The following ROBO2 variants were observed in gnomAD, a reference collection of about 807,000 sequenced individuals.
ROBO2 encodes roundabout homolog 2.
ROBO2 carries 53 observed loss-of-function variants against 160.8 expected under a neutral mutation model. The observed-to-expected ratio is 0.33, with a 90% CI of 0.26 to 0.41. ROBO2 has a LOEUF of 0.41. Among genes scored for constraint, ROBO2 ranks in the 10% least tolerant of loss-of-function variants. ROBO2 has a pLI of 1.00. For synonymous variants in ROBO2, 664 were observed against 611.7 expected (o/e 1.09, Z -1.26); for missense variants, 1,577 against 1,722.4 (o/e 0.92, Z 1.49).
chr3:76,830,292 T>A (rs927813388), intron 2 of ROBO2, among the ~76,000 whole-genome samples: 3 of 152,168 alleles, frequency 2.0e-5, no homozygotes, highest in Non-Finnish European at 4.4e-5. Context: ...CTGGCTAGCC[T>A]CCAGGTACTG....
intron 2 of ROBO2, among the ~76,000 whole-genome samples, chr3:77,102,076 C>T (rs2072022045): frequency 2.0e-5 from 3 of 152,062 alleles, no homozygotes; most frequent in African/African-American, 7.2e-5. Context: ...ACATGGTTGA[C>T]ACGATGCAAA....
At chr3:76,291,505 T>C (rs944132982) in intron 2 of ROBO2, among the ~76,000 whole-genome samples, 3 of 152,132 alleles carry the variant, frequency 2.0e-5, no homozygotes, top group Non-Finnish European at 4.4e-5. Flanking sequence ...TTTTATATGA[T>C]TTCCTGCCTC....
At chr3:75,966,152 G>T (rs546029807) in intron 2 of ROBO2, among the ~76,000 whole-genome samples, 3 of 151,580 alleles carry the variant, frequency 2.0e-5, no homozygotes, top group Non-Finnish European at 2.9e-5. Flanking sequence ...CCATGACTAG[G>T]CAATTAAGTA....
At chr3:76,832,184 G>C (rs2067149513) in intron 2 of ROBO2, among the ~76,000 whole-genome samples, 1 of 152,078 alleles carries the variant, frequency 6.6e-6, no homozygotes, top group Non-Finnish European at 1.5e-5. Context: ...ACAAATCAAT[G>C]AATTAATTAA....
At chr3:77,095,902 T>G (rs2070993654) in intron 1 of ROBO2, among the ~76,000 whole-genome samples, 1 of 152,152 alleles carries the variant, frequency 6.6e-6, no homozygotes, top group East Asian at 1.9e-4. Flanking sequence ...TCTAGATGCT[T>G]TGGATCTCTT....
chr3:77,286,256 CTTTTTTTT>C (rs10663209), intron 2 of ROBO2, among the ~76,000 whole-genome samples: 1 of 119,878 alleles, frequency 8.3e-6, no homozygotes, highest in African/African-American at 3.2e-5. Flanking sequence ...AATTATGGAG[CTTTTTTTT>C]TTTTTTTTTT....
intron 2 of ROBO2, among the ~76,000 whole-genome samples, chr3:76,002,217 T>C (rs1305337771): frequency 6.6e-6 from 1 of 152,114 alleles, no homozygotes; most frequent in East Asian, 1.9e-4. Flanking sequence ...TATGACTCTG[T>C]CCTTACAAAA....
chr3:76,945,544 T>G (rs2078479032), intron 2 of ROBO2, among the ~76,000 whole-genome samples: 1 of 152,236 alleles, frequency 6.6e-6, no homozygotes, highest in Non-Finnish European at 1.5e-5. Context: ...ACACACCTCC[T>G]TCTTTGAGAA....
Position 77,398,565 on chromosome 3 carries a change from G to A in ROBO2, c.389-78849G>A, listed in dbSNP as rs992908823. Among the ~76,000 whole-genome samples, 5 of 151,784 alleles carry A rather than the reference G, an allele frequency of 3.3e-5. No homozygotes were observed. The East Asian group carries it at 7.7e-4, about 23-fold the overall frequency. ...TACTGATAACCTGGATTTTTACTAGGCCTCTTTTTTCTTTGTATTTTAATT... is the reference window on the plus strand; with the variant it reads ...TACTGATAACCTGGATTTTTACTAGACCTCTTTTTTCTTTGTATTTTAATT... On this transcript the variant is annotated intron_variant, in intron 2 of 25. Transcript: ENST00000461745.
chr3:76,336,842 T>G (rs2073923718), intron 2 of ROBO2, among the ~76,000 whole-genome samples: 1 of 152,182 alleles, frequency 6.6e-6, no homozygotes, highest in Non-Finnish European at 1.5e-5. Context: ...AAGCTGGATA[T>G]CTAATAAGAT....
At chr3:76,371,838 G>A (rs1309375711) in intron 2 of ROBO2, among the ~76,000 whole-genome samples, 2 of 151,814 alleles carry the variant, frequency 1.3e-5, no homozygotes, top group Non-Finnish European at 2.9e-5. Flanking sequence ...ATCACACCAC[G>A]AAGATTCCCT....
chr3:76,350,122 A>G (rs1382862597), intron 2 of ROBO2, among the ~76,000 whole-genome samples: 1 of 152,040 alleles, frequency 6.6e-6, no homozygotes, highest in South Asian at 2.1e-4. Flanking sequence ...AGCTTTGTAC[A>G]CCCCATTATC....
At chr3:76,462,503 A>G (rs1371719081) in intron 2 of ROBO2, among the ~76,000 whole-genome samples, 1 of 152,080 alleles carries the variant, frequency 6.6e-6, no homozygotes, top group Non-Finnish European at 1.5e-5. Flanking sequence ...AATGTTAGTT[A>G]TTACTTACTA....
intron 2 of ROBO2, among the ~76,000 whole-genome samples, chr3:77,131,191 A>C (rs1255577268): frequency 6.6e-6 from 1 of 152,172 alleles, no homozygotes; most frequent in African/African-American, 2.4e-5. Flanking sequence ...TCTTTGGTTG[A>C]AAGATGCTCC....
At chr3:77,523,027 G>A (rs2090772316) in intron 6 of ROBO2, 125 bp downstream of exon 6, 1 of 1,076,544 alleles carries the variant, frequency 9.3e-7, no homozygotes, top group Non-Finnish European at 1.4e-6. Flanking sequence ...CCTAGATTTT[G>A]TGTCCTCTCT....
chr3:76,770,361 A>C (rs1407996193), intron 2 of ROBO2, among the ~76,000 whole-genome samples: 3 of 151,384 alleles, frequency 2.0e-5, no homozygotes, highest in Non-Finnish European at 4.4e-5. Flanking sequence ...CTGATGGAAA[A>C]TACAACCACT....
At chr3:76,887,193 C>CCTTTTTTTTTTTTTTTTT (rs1178064382) in intron 2 of ROBO2, among the ~76,000 whole-genome samples, 8 of 120,446 alleles carry the variant, frequency 6.6e-5, no homozygotes, top group Admixed American at 2.9e-4. Flanking sequence ...CTTCAGGAAG[C>CCTTTTTTTTTTTTTTTTT]ATTTTTTTTT....
At chr3:77,293,020 C>A (rs574573250) in intron 2 of ROBO2, among the ~76,000 whole-genome samples, 1 of 149,300 alleles carries the variant, frequency 6.7e-6, no homozygotes, top group South Asian at 2.2e-4. Flanking sequence ...GCTAGATCAC[C>A]AAAGACATAA....
At chr3:76,473,534 T>A (rs1050950515) in intron 2 of ROBO2, among the ~76,000 whole-genome samples, 8 of 152,170 alleles carry the variant, frequency 5.3e-5, no homozygotes, top group Admixed American at 5.2e-4. Flanking sequence ...GGTCAACACT[T>A]CCTTTGAGAG....
Sources: gnomAD v4.1 joint callset for allele counts (sites outside exome capture counted in the v4.1 genomes callset) on GRCh38, gnomAD v4.1.1 for gene constraint, MANE v1.5 for transcripts, NCBI Gene and HGNC (gene_info 2026-07-23, HGNC 2026-07-21) for gene names.